FBN1: variants seen among roughly 807,000 people sequenced by gnomAD.
FBN1 encodes fibrillin-1.
FBN1 carries 29 observed loss-of-function variants against 365.1 expected under a neutral mutation model. The ratio of observed to expected loss-of-function variants is 0.08; its 90% CI spans 0.06 to 0.11. FBN1 has a LOEUF of 0.11. FBN1 is among the 10% of genes least tolerant of loss of function. The probability of loss-of-function intolerance (pLI) is 1.00; values close to 1 mark genes in which losing one functional copy is unlikely to be tolerated. For synonymous variants in FBN1, 1,210 were observed against 1,270.5 expected, an observed-to-expected ratio of 0.95 and a Z score of 1.01; for missense variants, 2,476 against 3,703.2, an observed-to-expected ratio of 0.67 and a Z score of 8.60.
rs367618012 is a variant in FBN1 at position 48,613,000 on chromosome 15, A to G, written c.247+10T>C. The G allele has an allele frequency of 2.2e-4, 345 of 1,604,476 alleles. No individual in the cohort carries two copies. The highest frequency in any genetic ancestry group is 2.9e-4 in the Non-Finnish European group (334 of 1,171,638). ...GGACATGCAGAATGACAAGTTTTCT[A>G]TTTACTTACGGACAATACACTGATT... is the stretch of plus-strand genomic sequence containing the variant. On this transcript the variant is annotated intron_variant, in intron 3 of 65. Transcript: ENST00000316623.
At chr15:48,524,412 G>A (rs978105339) in intron 9 of FBN1, among the ~76,000 whole-genome samples, 2 of 152,174 alleles carry the variant, frequency 1.3e-5, no homozygotes, top group Admixed American at 6.5e-5. Flanking sequence ...ACAAGCCTTG[G>A]ATTTGTTTAT....
At chr15:48,500,413 C>T (rs373923866) in intron 17 of FBN1, among the ~76,000 whole-genome samples, 18 of 151,140 alleles carry the variant, frequency 1.2e-4, no homozygotes, top group East Asian at 5.8e-4. Flanking sequence ...CCGATGACAA[C>T]GCTAATTGCT....
At chr15:48,593,047 G>T (rs935737636) in intron 6 of FBN1, among the ~76,000 whole-genome samples, 1 of 152,166 alleles carries the variant, frequency 6.6e-6, no homozygotes, top group Non-Finnish European at 1.5e-5. Flanking sequence ...ACAAAAAGCT[G>T]CAAGTAAGAC....
In FBN1 at chr15:48,465,590, A is replaced by T. The variant is rs2043314001; in HGVS notation, c.4920T>A (p.Asn1640Lys). ...TACCATCACACACTCGTGTATCTTC[A>T]TTCAGGTAGTAGCCGGTTGGACAGC... ...QCRCPTGYYL[N>K]EDTRVCDDVN... The change falls in exon 40 of 66, where the codon AAT becomes AAA. Residue 1640 changes from asparagine (N) to lysine (K), a missense_variant. By Grantham distance (94) the Asn-to-Lys change is moderately conservative. This residue lies in a region of FBN1 where 1,780 missense variants were observed against 2,840.8 expected (regional missense o/e 0.63). Coordinates refer to ENST00000316623, the MANE Select transcript of FBN1 (RefSeq NM_000138.5). 6.2e-7 allele frequency: 1 copy of T among 1,614,008 alleles called. No homozygotes were observed. Among genetic ancestry groups the T allele is most frequent in the Admixed American group, 1.7e-5 (1 of 60,006 alleles).
intron 8 of FBN1, among the ~76,000 whole-genome samples, chr15:48,529,914 CCCG>C (rs1371551360): frequency 4.2e-4 from 51 of 120,586 alleles, no homozygotes; most frequent in South Asian, 1.0e-3. Context: ...GCATCCGCCG[CCCG>C]ATCACAACTT....
chr15:48,415,671 T>C lies in FBN1; in HGVS notation c.7916A>G (p.Tyr2639Cys), dbSNP rs794728280. 6.2e-7 allele frequency: 1 copy of C among 1,614,084 alleles called. No homozygotes were observed. The highest frequency in any genetic ancestry group is 8.5e-7 in the Non-Finnish European group (1 of 1,180,030). Reference protein sequence around the residue: ...YKCMCPAGFQYEQFSGGCQDI... With the variant: ...YKCMCPAGFQCEQFSGGCQDI... ...TTGGCATCCTCCACTGAACTGTTCATACTGGAAGCCGGCGGGACACATGCA... is the reference window on the plus strand; with the variant it reads ...TTGGCATCCTCCACTGAACTGTTCACACTGGAAGCCGGCGGGACACATGCA... The change falls in exon 64 of 66, where the codon TAT becomes TGT. Residue 2639 changes from tyrosine to cysteine, a missense_variant. Physicochemically the swap from Tyr to Cys is radical, Grantham distance 194 (BLOSUM62 -2). Around this residue, in one of 5 missense-constraint regions of FBN1, gnomAD observed 1,780 missense variants for 2,840.8 expected, o/e 0.63. Transcript: ENST00000316623.
intron 6 of FBN1, among the ~76,000 whole-genome samples, chr15:48,554,673 A>C (rs1452435048): frequency 6.6e-6 from 1 of 152,236 alleles, no homozygotes; most frequent in Non-Finnish European, 1.5e-5. Context: ...TAACACATAC[A>C]TGACATATAC....
At chr15:48,452,268 G>A (rs1424167682) in intron 45 of FBN1, among the ~76,000 whole-genome samples, 2 of 152,162 alleles carry the variant, frequency 1.3e-5, no homozygotes, top group African/African-American at 4.8e-5. Flanking sequence ...TGTAATGTGT[G>A]GGGGTGAGTG....
intron 6 of FBN1, among the ~76,000 whole-genome samples, chr15:48,544,954 T>C (rs1420181132): frequency 6.6e-6 from 1 of 152,240 alleles, no homozygotes; most frequent in African/African-American, 2.4e-5. Flanking sequence ...TCATTCTTAA[T>C]GGTCTGCAAA....
In FBN1 at chr15:48,489,888, G is replaced by A. The variant is rs772867321; in HGVS notation, c.3045C>T (p.Ala1015=). The stretch of plus-strand genomic sequence containing the variant: ...GCTTTCCATTTGTAATTTCTTTTGT[G>A]GCAAATCCGGGTCCTCTCGGACACA... ...EELCPRGPGF[A]TKEITNGKPF... is the part of the protein sequence containing the mutation. Residue 1015 remains alanine, a synonymous_variant, in exon 25 of 66, where the codon GCC becomes GCT. Coordinates refer to ENST00000316623, the MANE Select transcript of FBN1 (RefSeq NM_000138.5). 6.2e-7 allele frequency: 1 copy of A among 1,614,106 alleles called. No homozygotes were observed. The highest frequency in any genetic ancestry group is 8.5e-7 in the Non-Finnish European group (1 of 1,180,016).
intron 56 of FBN1, among the ~76,000 whole-genome samples, chr15:48,429,906 C>T (rs1056049387): frequency 6.6e-6 from 1 of 152,052 alleles, no homozygotes; most frequent in African/African-American, 2.4e-5. Flanking sequence ...TAATAATTTT[C>T]TCCTGTAATT....
rs760803105 is a variant in FBN1 at position 48,474,328 on chromosome 15, G to C, written c.4137C>G (p.Asp1379Glu). The C allele has an allele frequency of 1.9e-6, 3 of 1,614,132 alleles. No homozygotes were observed. The highest frequency in any genetic ancestry group is 2.5e-6 in the Non-Finnish European group (3 of 1,180,000). The change falls in exon 34 of 66, where the codon GAC becomes GAG. Residue 1379 changes from aspartate (D) to glutamate (E), a missense_variant. Physicochemically the swap from Asp to Glu is conservative, Grantham distance 45 (BLOSUM62 2). Coordinates refer to ENST00000316623, the MANE Select transcript of FBN1 (RefSeq NM_000138.5). ...NGTHMCSQHA[D>E]CKNTMGSYRC... is the part of the protein sequence containing the mutation. ...GGTAAGATCCCATGGTATTCTTGCA[G>C]TCTGCATGCTGGCTGCACATATGGG...
At chr15:48,567,462 T>C (rs2044265898) in intron 6 of FBN1, among the ~76,000 whole-genome samples, 1 of 152,156 alleles carries the variant, frequency 6.6e-6, no homozygotes, top group Non-Finnish European at 1.5e-5. Context: ...TTCTCAACTT[T>C]TCTGTGAGCC....
At chr15:48,622,050 G>A (rs577930062) in intron 2 of FBN1, among the ~76,000 whole-genome samples, 2 of 151,772 alleles carry the variant, frequency 1.3e-5, no homozygotes, top group Admixed American at 6.6e-5. Flanking sequence ...AATATACCAC[G>A]CTAGTATGAG....
intron 46 of FBN1, 142 bp downstream of exon 46, chr15:48,448,626 A>G (rs577102175): frequency 1.1e-5 from 8 of 701,142 alleles, no homozygotes; most frequent in Non-Finnish European, 1.9e-5. Context: ...ATAGGATATC[A>G]CTGCTGCATA....
intron 40 of FBN1, among the ~76,000 whole-genome samples, chr15:48,464,597 G>A (rs994917869): frequency 6.6e-6 from 1 of 152,102 alleles, no homozygotes; most frequent in Non-Finnish European, 1.5e-5. Flanking sequence ...ATATAATAAT[G>A]AGTCTCCTAA....
rs1566905439 is a variant in FBN1 at position 48,470,759 on chromosome 15, T to TG, written c.4337-4dup. 8 of 1,613,692 alleles carry TG rather than the reference T, an allele frequency of 5.0e-6. 1 individual carries two copies. In the African/African-American group the frequency reaches 5.3e-5, roughly 11 times the overall value. ...CGGAAGGGAGCACTCATCAATATCTTGGGGGGAGGGAGAAAAAAGCAAAAA... is the reference window on the plus strand; with the variant it reads ...CGGAAGGGAGCACTCATCAATATCTTGGGGGGGAGGGAGAAAAAAGCAAAAA... On this transcript the variant is annotated splice_region_variant and splice_polypyrimidine_tract_variant and intron_variant, in intron 35 of 65. Coordinates refer to ENST00000316623, the MANE Select transcript of FBN1 (RefSeq NM_000138.5).
At chr15:48,585,790 A>G (rs2044431100) in intron 6 of FBN1, among the ~76,000 whole-genome samples, 1 of 152,238 alleles carries the variant, frequency 6.6e-6, no homozygotes, top group Non-Finnish European at 1.5e-5. Flanking sequence ...TAATTCCCAG[A>G]TGATGGGACT....
intron 2 of FBN1, among the ~76,000 whole-genome samples, chr15:48,618,357 GAAAA>G (rs1217504026): frequency 1.3e-5 from 2 of 152,080 alleles, no homozygotes; most frequent in Non-Finnish European, 2.9e-5. Context: ...GATAAAAAAA[GAAAA>G]AACATCATGA....
Sources: gnomAD v4.1 joint callset for allele counts (sites outside exome capture counted in the v4.1 genomes callset) on GRCh38, gnomAD v4.1.1 for gene constraint, gnomAD v4.1.1 regional missense constraint, MANE v1.5 for transcripts, NCBI Gene and HGNC (gene_info 2026-07-23, HGNC 2026-07-21) for gene names.